Variants in CPNE2 observed in about 807,000 individuals in gnomAD.
The protein encoded by CPNE2 is copine-2.
A neutral mutation model predicts 69.7 loss-of-function variants in CPNE2; 42 were observed. The ratio of observed to expected loss-of-function variants is 0.60; its 90% confidence interval spans 0.47 to 0.78. CPNE2 has a LOEUF of 0.78. Among genes scored for constraint, CPNE2 ranks in the 30% least tolerant of loss-of-function variants. CPNE2 has a pLI of 0.00. For missense variants in CPNE2, 587 were observed against 732.0 expected (o/e 0.80, Z 2.29); for synonymous variants, 294 against 289.8 (o/e 1.01, Z -0.15).
chr16:57,134,725 C>A, intron 12 of CPNE2, 50 bp from the exon 13 acceptor site: 1 of 1,609,980 alleles, frequency 6.2e-7, no homozygotes, highest in Non-Finnish European at 8.5e-7. Flanking sequence ...TGGCCTGGGT[C>A]TGGGTTTGGG....
chr16:57,137,037 C>A, intron 13 of CPNE2, 112 bp from the exon 14 acceptor site: 1 of 1,451,934 alleles, frequency 6.9e-7, no homozygotes, highest in Non-Finnish European at 9.3e-7. Context: ...CTATGCTAGC[C>A]ATGGCAGGGA....
At chr16:57,101,684 T>C (rs80342056) in intron 1 of CPNE2, among the ~76,000 whole-genome samples, 10,474 of 152,206 alleles carry the variant, frequency 0.069, 610 homozygotes, top group African/African-American at 0.14. Flanking sequence ...TAGCCTCGTG[T>C]CTCAAAGTGT....
chr16:57,136,056 AAG>A (rs2069878269), intron 13 of CPNE2, among the ~76,000 whole-genome samples: 1 of 151,072 alleles, frequency 6.6e-6, no homozygotes, highest in African/African-American at 2.4e-5. Flanking sequence ...GGAAGAAAGA[AAG>A]AAAAAGGAAG....
At chr16:57,121,857 T>A (rs2069765062) in intron 9 of CPNE2, 97 bp downstream of exon 9, 1 of 1,185,346 alleles carries the variant, frequency 8.4e-7, no homozygotes, top group Admixed American at 1.9e-5. Context: ...GAGGCCTGTG[T>A]TCAAATCCCG....
Position 57,110,727 on chromosome 16 carries a change from A to T in CPNE2, c.-16A>T. ...CCCTAGACTGCCAGGAACTCCTGCC[A>T]CCGCCACCGGCTCCCATGGCCCACA... On this transcript the variant is annotated 5_prime_UTR_variant, in exon 2 of 16. Coordinates refer to ENST00000290776, the MANE Select transcript of CPNE2 (RefSeq NM_152727.6). 1.3e-6 allele frequency: 2 copies of T among 1,589,574 alleles called. No individual in the cohort carries two copies. The highest frequency in any genetic ancestry group is 1.7e-6 in the Non-Finnish European group (2 of 1,167,026).
chr16:57,120,461 A>G (rs2069753740), intron 7 of CPNE2, among the ~76,000 whole-genome samples: 1 of 151,726 alleles, frequency 6.6e-6, no homozygotes, highest in South Asian at 2.1e-4. Flanking sequence ...AAAATTATAA[A>G]ATAAAATCAA....
In CPNE2 at chr16:57,146,394, A is replaced by T; in HGVS notation, c.1539+73A>T. 7.6e-7 allele frequency: 1 copy of T among 1,310,682 alleles called. No homozygotes were observed. 81.2% of individuals were successfully genotyped at this position (1,310,682 alleles called of 1,614,324 possible). On this transcript the variant is annotated intron_variant, in intron 15 of 15. Transcript: ENST00000290776. The surrounding 1 kb of genome is among the most constrained non-coding windows in gnomAD (Gnocchi z 4.4). ...ACCATAGCTCATAATCAAGCTTGAG[A>T]GTCTTGGGGTTGTCTGGCCCAATCC... is the stretch of plus-strand genomic sequence containing the variant.
intron 14 of CPNE2, chr16:57,141,657 TC>T (rs1328253815): frequency 6.6e-6 from 1 of 152,156 alleles, no homozygotes; most frequent in Non-Finnish European, 1.5e-5. Flanking sequence ...AAATCCCAGC[TC>T]CCCCACTTCC....
rs574276806 is a variant in CPNE2, at chr16:57,116,607, TCAGA to T, written c.436-883_436-880del. On this transcript the variant is annotated intron_variant, in intron 4 of 15. Coordinates refer to ENST00000290776, the MANE Select transcript of CPNE2 (RefSeq NM_152727.6). ...AGGCAGCTTCCACCTAGAAGCCATC[TCAGA>T]CAGACCCCACTCACCCGGGTATGCC... is the stretch of plus-strand genomic sequence containing the variant. Among the ~76,000 whole-genome samples, 6 of 152,288 alleles carry T rather than the reference TCAGA, an allele frequency of 3.9e-5. No individual in the cohort carries two copies. In the East Asian group the frequency reaches 9.6e-4, roughly 24 times the overall value.
At chr16:57,104,694 C>T (rs993088419) in intron 1 of CPNE2, among the ~76,000 whole-genome samples, 1 of 152,164 alleles carries the variant, frequency 6.6e-6, no homozygotes, top group Non-Finnish European at 1.5e-5. Context: ...ATATGTAAAA[C>T]GATTGTACAT....
chr16:57,119,487 C>A, intron 6 of CPNE2, 74 bp from the exon 7 acceptor site: 3 of 1,310,304 alleles, frequency 2.3e-6, no homozygotes, highest in African/African-American at 1.5e-5. Flanking sequence ...TCACCCTGTC[C>A]CCATTGGGCT....
At chr16:57,093,478 T>A (rs1279310422) in intron 1 of CPNE2, among the ~76,000 whole-genome samples, 2 of 151,670 alleles carry the variant, frequency 1.3e-5, no homozygotes, top group East Asian at 3.9e-4. Flanking sequence ...AATAGAGGGG[T>A]CTTACACCCT....
intron 14 of CPNE2, 85 bp downstream of exon 14, chr16:57,137,367 C>A: frequency 1.3e-6 from 2 of 1,525,344 alleles, no homozygotes. Flanking sequence ...CTTCTCTTTG[C>A]TTTAAATCCT....
At chr16:57,093,413 C>T (rs1017795522) in intron 1 of CPNE2, among the ~76,000 whole-genome samples, 3 of 152,098 alleles carry the variant, frequency 2.0e-5, no homozygotes, top group African/African-American at 7.2e-5. Context: ...ATGGAGAGAG[C>T]GGGCGAACAA....
chr16:57,113,036 G>A lies in CPNE2; in HGVS notation c.181-252G>A. 7.0e-6 allele frequency: 3 copies of A among 427,454 alleles called. No individual in the cohort carries two copies. In the South Asian group the frequency reaches 8.3e-5, roughly 12 times the overall value. The allele number at this position is 427,454 out of a possible 1,614,324, so 26.5% of individuals were successfully genotyped here. A position where few individuals can be genotyped will look rare whatever the true frequency, so the allele number is the denominator to read the frequency against. Reference sequence around the variant, plus strand: ...CAGGGCCAAAGAATTAAGAGTGTGGGTAGCAGAGTCAGACCTCGGTTTCAA... The same window carrying A: ...CAGGGCCAAAGAATTAAGAGTGTGGATAGCAGAGTCAGACCTCGGTTTCAA... On this transcript the variant is annotated intron_variant, in intron 2 of 15. Coordinates refer to ENST00000290776, the MANE Select transcript of CPNE2 (RefSeq NM_152727.6).
Position 57,147,620 on chromosome 16 carries a change from C to T in CPNE2, c.1609C>T (p.His537Tyr), listed in dbSNP as rs769769945. The T allele has an allele frequency of 1.2e-6, 2 of 1,606,876 alleles. No individual in the cohort carries two copies. Among genetic ancestry groups the T allele is most frequent in the Non-Finnish European group, 1.7e-6 (2 of 1,174,934 alleles). Residue 537 changes from histidine to tyrosine, a missense_variant, in exon 16 of 16, where the codon CAT (histidine) becomes TAT (tyrosine). By Grantham distance (83) the His-to-Tyr change is moderately conservative (BLOSUM62 2). Coordinates refer to ENST00000290776, the MANE Select transcript of CPNE2 (RefSeq NM_152727.6). ...LPQQVVQYFK[H>Y]KNLPPTNSEP... is the part of the protein sequence containing the mutation. The stretch of plus-strand genomic sequence containing the variant: ...CCAACAAGTTGTGCAGTATTTCAAG[C>T]ATAAAAACCTGCCCCCCACCAACTC...
At chr16:57,102,963 A>T (rs927169199) in intron 1 of CPNE2, among the ~76,000 whole-genome samples, 4 of 151,606 alleles carry the variant, frequency 2.6e-5, no homozygotes, top group Non-Finnish European at 5.9e-5. Context: ...CATCCCCCAA[A>T]TTTTTTATCT....
chr16:57,102,753 C>T (rs1298456939), intron 1 of CPNE2, among the ~76,000 whole-genome samples: 3 of 152,042 alleles, frequency 2.0e-5, no homozygotes, highest in Admixed American at 6.5e-5. Flanking sequence ...AGGCACCTAC[C>T]ACCATGCCTG....
chr16:57,147,794 C>T lies in CPNE2; in HGVS notation c.*136C>T. ...TATTTTTTACAACCGGACCTCCACCCCCAACTTCCTCCAGCCCAGCTGGGC... is the reference window on the plus strand; with the variant it reads ...TATTTTTTACAACCGGACCTCCACCTCCAACTTCCTCCAGCCCAGCTGGGC... On this transcript the variant is annotated 3_prime_UTR_variant, in exon 16 of 16. Coordinates refer to ENST00000290776, the MANE Select transcript of CPNE2 (RefSeq NM_152727.6). The T allele has an allele frequency of 1.9e-6, 1 of 513,164 alleles. No homozygotes were observed. Among genetic ancestry groups the T allele is most frequent in the Non-Finnish European group, 3.3e-6 (1 of 305,418 alleles). 31.8% of individuals were successfully genotyped at this position (513,164 alleles called of 1,614,324 possible). A position where few individuals can be genotyped will look rare whatever the true frequency, so the allele number is the denominator to read the frequency against.
Sources: allele counts gnomAD v4.1 joint callset (sites outside exome capture counted in the v4.1 genomes callset), GRCh38; gene constraint gnomAD v4.1.1; non-coding constraint Gnocchi (gnomAD v3.1); transcripts MANE v1.5; gene names NCBI Gene and HGNC (gene_info 2026-07-23, HGNC 2026-07-21).